Variants in USH2A observed in about 807,000 individuals in gnomAD.
The protein encoded by USH2A is Usher syndrome 2A (autosomal recessive, mild).
Under a neutral mutation model 538.9 loss-of-function variants are expected in USH2A, and 443 were observed. The observed-to-expected ratio is 0.82, with a 90% CI of 0.76 to 0.89. The LOEUF is 0.89. Among genes scored for constraint, USH2A ranks in the 40% least tolerant of loss-of-function variants. USH2A has a pLI of 0.00. For synonymous variants in USH2A, 2,413 were observed against 2,273.5 expected, an observed-to-expected ratio of 1.06 and a Z score of -1.75; for missense variants, 6,633 against 6,324.8, an observed-to-expected ratio of 1.05 and a Z score of -1.65.
At chr1:216,389,168 T>G (rs1026015207) in intron 3 of USH2A, among the ~76,000 whole-genome samples, 6 of 152,134 alleles carry the variant, frequency 3.9e-5, no homozygotes, top group Non-Finnish European at 5.9e-5. Context: ...GTTTTCCCAC[T>G]TTACCAATTC....
chr1:215,894,519 T>G (rs1307917095), intron 40 of USH2A, among the ~76,000 whole-genome samples: 1 of 152,160 alleles, frequency 6.6e-6, no homozygotes, highest in Non-Finnish European at 1.5e-5. Flanking sequence ...TATTACAGGT[T>G]GTGAGAATAA....
At chr1:215,937,648 A>G (rs990370542) in intron 37 of USH2A, among the ~76,000 whole-genome samples, 2 of 152,124 alleles carry the variant, frequency 1.3e-5, no homozygotes, top group African/African-American at 4.8e-5. Context: ...TACATGCTCA[A>G]TTGTAAACTT....
In USH2A at chr1:215,975,068, A is replaced by C. The variant is rs116387387; in HGVS notation, c.6806-4292T>G. Among the ~76,000 whole-genome samples the C allele has an allele frequency of 4.3e-4, 65 of 152,186 alleles. 1 individual carries two copies. Among genetic ancestry groups the C allele is most frequent in the African/African-American group, 1.4e-3 (60 of 41,528 alleles). ...TGAGATGGTACTCGTTGTGGTTTTG[A>C]TATGCAATTCTCTGATGATTAGTGA... On this transcript the variant is annotated intron_variant, in intron 35 of 71. Transcript: ENST00000307340.
At chr1:215,980,274 A>C (rs1328589417) in intron 35 of USH2A, among the ~76,000 whole-genome samples, 1 of 152,128 alleles carries the variant, frequency 6.6e-6, no homozygotes, top group Non-Finnish European at 1.5e-5. Context: ...AGAGAAATAG[A>C]TGACAAGAAA....
intron 64 of USH2A, among the ~76,000 whole-genome samples, chr1:215,667,813 A>G (rs1290574493): frequency 6.6e-6 from 1 of 152,196 alleles, no homozygotes; most frequent in Non-Finnish European, 1.5e-5. Context: ...TGATGGAATG[A>G]GTTGATTTAG....
intron 11 of USH2A, among the ~76,000 whole-genome samples, chr1:216,273,965 G>C (rs923967439): frequency 1.3e-5 from 2 of 152,048 alleles, no homozygotes; most frequent in Admixed American, 6.6e-5. Context: ...TGAGTCTTTT[G>C]ATTTCCCACA....
At chr1:215,724,315 A>G (rs1366747752) in intron 61 of USH2A, among the ~76,000 whole-genome samples, 1 of 152,100 alleles carries the variant, frequency 6.6e-6, no homozygotes, top group Non-Finnish European at 1.5e-5. Flanking sequence ...TTGCAGCAAC[A>G]TGGATGGAAC....
intron 38 of USH2A, among the ~76,000 whole-genome samples, chr1:215,908,973 T>C (rs1665706342): frequency 6.7e-6 from 1 of 149,390 alleles, no homozygotes; most frequent in African/African-American, 2.4e-5. Context: ...AATGCCTATA[T>C]ATATCTATAT....
intron 9 of USH2A, among the ~76,000 whole-genome samples, chr1:216,319,533 G>A (rs2037568492): frequency 6.6e-6 from 1 of 152,088 alleles, no homozygotes. Flanking sequence ...TTTAAAGCAA[G>A]TATTGACTAA....
At chr1:215,653,460 T>A (rs1657141921) in intron 64 of USH2A, among the ~76,000 whole-genome samples, 1 of 152,162 alleles carries the variant, frequency 6.6e-6, no homozygotes, top group South Asian at 2.1e-4. Flanking sequence ...TTCATATAAA[T>A]CAACATGCTT....
At chr1:215,980,168 T>C (rs542251315) in intron 35 of USH2A, among the ~76,000 whole-genome samples, 3 of 152,328 alleles carry the variant, frequency 2.0e-5, no homozygotes, top group East Asian at 3.9e-4. Context: ...AAGAAGTTTA[T>C]GCTAAAGCAA....
intron 11 of USH2A, among the ~76,000 whole-genome samples, chr1:216,260,632 A>G (rs888634218): frequency 2.0e-5 from 3 of 152,166 alleles, no homozygotes; most frequent in African/African-American, 4.8e-5. Context: ...GGTATTCCAC[A>G]TAGAAAGTAT....
intron 2 of USH2A, 72 bp from the exon 3 acceptor site, chr1:216,418,751 T>C (rs975297074): frequency 5.1e-6 from 8 of 1,564,032 alleles, no homozygotes; most frequent in Non-Finnish European, 7.0e-6. Context: ...TATTGTGCAG[T>C]TACAGTGGTG....
rs77560887 is a variant in USH2A, at chr1:216,051,484, C to T, written c.6050-2837G>A. Among the ~76,000 whole-genome samples the T allele has an allele frequency of 6.4e-3, 973 of 152,296 alleles. 15 individuals are homozygous for T. The highest frequency in any genetic ancestry group is 0.022 in the African/African-American group (914 of 41,572). ...GTCTTTCCTATTGCCAAGTTGGAAACTACCGTAAGATTCTAAATAAGATGA... is the reference window on the plus strand; with the variant it reads ...GTCTTTCCTATTGCCAAGTTGGAAATTACCGTAAGATTCTAAATAAGATGA... On this transcript the variant is annotated intron_variant, in intron 30 of 71. Coordinates refer to ENST00000307340, the MANE Select transcript of USH2A (RefSeq NM_206933.4).
At chr1:215,751,516 T>G (rs1342216553) in intron 58 of USH2A, among the ~76,000 whole-genome samples, 1 of 152,108 alleles carries the variant, frequency 6.6e-6, no homozygotes, top group Non-Finnish European at 1.5e-5. Context: ...ATTATTACCT[T>G]CAGAGTTTAA....
At chr1:215,778,210 C>G (rs532110375) in intron 55 of USH2A, among the ~76,000 whole-genome samples, 17 of 152,186 alleles carry the variant, frequency 1.1e-4, no homozygotes, top group African/African-American at 3.6e-4. Flanking sequence ...CACCACCATG[C>G]CCAACTGATT....
At chr1:215,851,649 A>C (rs1664018399) in intron 44 of USH2A, among the ~76,000 whole-genome samples, 1 of 152,202 alleles carries the variant, frequency 6.6e-6, no homozygotes, top group Non-Finnish European at 1.5e-5. Context: ...ACACTATTCC[A>C]AAAGATATAG....
At chr1:216,008,212 G>A (rs149980824) in intron 32 of USH2A, among the ~76,000 whole-genome samples, 4,385 of 151,992 alleles carry the variant, frequency 0.029, 207 homozygotes, top group African/African-American at 0.1. Flanking sequence ...CCAGATGGCC[G>A]GTTCCTGCCT....
chr1:216,183,296 T>C (rs301746), intron 20 of USH2A, among the ~76,000 whole-genome samples: 146,547 of 151,900 alleles, frequency 0.96, 70,737 homozygotes, highest in East Asian at 1. Flanking sequence ...ATTTGGTTCT[T>C]ATAATGCCTC....
Sources: allele counts gnomAD v4.1 joint callset (sites outside exome capture counted in the v4.1 genomes callset), GRCh38; gene constraint gnomAD v4.1.1; transcripts MANE v1.5; gene names NCBI Gene and HGNC (gene_info 2026-07-23, HGNC 2026-07-21).